PARPBP: variants seen among roughly 807,000 people sequenced by gnomAD.
PARPBP encodes PARP1 binding protein.
In PARPBP, 52 loss-of-function variants were observed where a neutral mutation model predicts 50.0. That is an observed-to-expected ratio of 1.04 (90% CI 0.83 to 1.31). The LOEUF is 1.31. Ranked by LOEUF, PARPBP falls within the 50% of genes most tolerant of loss-of-function variation. The pLI, the probability that PARPBP is intolerant of heterozygous loss-of-function variation, is 0.00. For synonymous variants in PARPBP, 244 were observed against 232.1 expected (o/e 1.05, Z -0.47); for missense variants, 697 against 672.0 (o/e 1.04, Z -0.41).
intron 2 of PARPBP, among the ~76,000 whole-genome samples, chr12:102,133,148 A>G (rs1466050397): frequency 6.6e-6 from 1 of 151,974 alleles, no homozygotes; most frequent in African/African-American, 2.4e-5. Context: ...TCTTTTTCTT[A>G]CCTAACCACT....
At position 102,196,921 on chromosome 12, in the gene PARPBP, T is replaced by C; in HGVS notation, c.*630T>C. On this transcript the variant is annotated 3_prime_UTR_variant, in exon 11 of 11. Transcript: ENST00000327680. ...ATCCAAATTCACTTTAACTCAGAGT[T>C]CTGTTTAATGGTGGTAGGATGTAAG... is the stretch of plus-strand genomic sequence containing the variant. 1 of 1,445,454 alleles carries C rather than the reference T, an allele frequency of 6.9e-7. No individual in the cohort carries two copies. The highest frequency in any genetic ancestry group is 1.2e-5 in the South Asian group (1 of 85,374). 89.5% of individuals were successfully genotyped at this position (1,445,454 alleles called of 1,614,324 possible).
intron 2 of PARPBP, among the ~76,000 whole-genome samples, chr12:102,141,781 A>C (rs1884642212): frequency 6.6e-6 from 1 of 152,138 alleles, no homozygotes; most frequent in African/African-American, 2.4e-5. Flanking sequence ...CTGGGTTGAA[A>C]ATTCTTTTCT....
intron 7 of PARPBP, among the ~76,000 whole-genome samples, 179 bp downstream of exon 7, chr12:102,175,845 T>A (rs1291087447): frequency 1.3e-5 from 2 of 152,206 alleles, no homozygotes; most frequent in Non-Finnish European, 2.9e-5. Context: ...TCAACTTGGG[T>A]AAATTATCAC....
chr12:102,184,992 A>C (rs1263031396), intron 9 of PARPBP, among the ~76,000 whole-genome samples: 7 of 152,210 alleles, frequency 4.6e-5, no homozygotes, highest in Non-Finnish European at 1.0e-4. Flanking sequence ...GAAAATAATT[A>C]GATAACTTAG....
chr12:102,148,283 C>G lies in PARPBP; in HGVS notation c.207C>G (p.Tyr69Ter). 6.2e-7 allele frequency: 1 copy of G among 1,605,316 alleles called. No homozygotes were observed. The highest frequency in any genetic ancestry group is 8.5e-7 in the Non-Finnish European group (1 of 1,174,474). Residue 69 changes from tyrosine to a stop codon, truncating the protein, a stop_gained, in exon 3 of 11, where the codon TAC (tyrosine) becomes TAG (stop). Coordinates refer to ENST00000327680, the MANE Select transcript of PARPBP (RefSeq NM_017915.5). LOFTEE classifies it high-confidence loss of function. The stretch of plus-strand genomic sequence containing the variant: ...GTGATGTTTTATTGACATGGAAATA[C>G]TTGCTCCATGAGAAATTGAACTTAC... ...SLSDVLLTWK[Y>*]LLHEKLNLPV...
chr12:102,165,597 T>A (rs1029570299), intron 5 of PARPBP, 132 bp from the exon 6 acceptor site: 10 of 658,226 alleles, frequency 1.5e-5, no homozygotes, highest in Non-Finnish European at 2.1e-5. Flanking sequence ...ACTCAAAGTG[T>A]GTCATGAGCC....
chr12:102,164,287 C>T (rs1479633302), intron 4 of PARPBP, 151 bp from the exon 5 acceptor site: 4 of 625,464 alleles, frequency 6.4e-6, no homozygotes, highest in African/African-American at 1.8e-5. Context: ...ATTGATTGCC[C>T]AACCTGTTTT....
intron 4 of PARPBP, among the ~76,000 whole-genome samples, chr12:102,162,713 C>T (rs57964769): frequency 0.045 from 6,888 of 151,710 alleles, 421 homozygotes; most frequent in East Asian, 0.29. Flanking sequence ...TCCTAGCTAC[C>T]GGGGAAGCTG....
chr12:102,132,312 A>G (rs573260933), intron 2 of PARPBP, among the ~76,000 whole-genome samples: 1 of 152,216 alleles, frequency 6.6e-6, no homozygotes, highest in Non-Finnish European at 1.5e-5. Context: ...TTCAAAAGAA[A>G]AAAATCCATT....
intron 2 of PARPBP, among the ~76,000 whole-genome samples, chr12:102,140,527 T>G (rs889539980): frequency 1.3e-5 from 2 of 152,220 alleles, no homozygotes; most frequent in African/African-American, 2.4e-5. Context: ...TTCTGCTAGC[T>G]TTTGAATGTG....
intron 7 of PARPBP, among the ~76,000 whole-genome samples, chr12:102,176,554 A>T (rs1256464466): frequency 6.6e-6 from 1 of 152,190 alleles, no homozygotes; most frequent in Non-Finnish European, 1.5e-5. Flanking sequence ...ATAATTAAAT[A>T]GAGTAGATTC....
chr12:102,144,248 T>C (rs1885057605), intron 2 of PARPBP, among the ~76,000 whole-genome samples: 1 of 152,236 alleles, frequency 6.6e-6, no homozygotes, highest in Admixed American at 6.5e-5. Context: ...AAAAATATGA[T>C]ATAATGTACA....
intron 6 of PARPBP, among the ~76,000 whole-genome samples, chr12:102,167,219 T>C (rs1888227926): frequency 6.6e-6 from 1 of 152,172 alleles, no homozygotes; most frequent in Non-Finnish European, 1.5e-5. Context: ...CTTATTTTGC[T>C]CAAGTAGCTT....
Position 102,142,148 on chromosome 12 carries a change from C to T in PARPBP, c.154-6082C>T, listed in dbSNP as rs367645576. Among the ~76,000 whole-genome samples the T allele has an allele frequency of 1.1e-4, 17 of 152,286 alleles. 1 individual carries two copies. The highest frequency in any genetic ancestry group is 2.0e-4 in the Admixed American group (3 of 15,306). On this transcript the variant is annotated intron_variant, in intron 2 of 10. Transcript: ENST00000327680. The stretch of plus-strand genomic sequence containing the variant: ...CAATCAGATGTAAATTTGGTCTTTT[C>T]ATATAGTCCCATATTTCTTGGAGGC...
chr12:102,127,335 T>A (rs1319387006), intron 2 of PARPBP, among the ~76,000 whole-genome samples: 1 of 151,548 alleles, frequency 6.6e-6, no homozygotes, highest in Non-Finnish European at 1.5e-5. Flanking sequence ...TGAGGCTTGC[T>A]GTGAGCCAAG....
chr12:102,184,861 T>G (rs1453922426), intron 9 of PARPBP, among the ~76,000 whole-genome samples: 2 of 152,174 alleles, frequency 1.3e-5, no homozygotes, highest in Non-Finnish European at 2.9e-5. Context: ...GAAAAGTAGT[T>G]TAGCAGCTGA....
At chr12:102,124,938 A>G (rs1414465444) in intron 2 of PARPBP, among the ~76,000 whole-genome samples, 1 of 152,248 alleles carries the variant, frequency 6.6e-6, no homozygotes, top group Non-Finnish European at 1.5e-5. Flanking sequence ...TAGTTACTAT[A>G]TACTATGATC....
At chr12:102,166,561 T>C (rs1040593729) in intron 6 of PARPBP, among the ~76,000 whole-genome samples, 3 of 152,162 alleles carry the variant, frequency 2.0e-5, no homozygotes, top group Non-Finnish European at 4.4e-5. Flanking sequence ...AGTTCTTTAC[T>C]CAGATTATCA....
chr12:102,147,494 A>G (rs1314376166), intron 2 of PARPBP, among the ~76,000 whole-genome samples: 1 of 148,204 alleles, frequency 6.7e-6, no homozygotes, highest in Middle Eastern at 3.5e-3. Flanking sequence ...CATGTTCTCA[A>G]TCATAGATGG....
Sources: gnomAD v4.1 joint callset for allele counts (sites outside exome capture counted in the v4.1 genomes callset) on GRCh38, gnomAD v4.1.1 for gene constraint, MANE v1.5 for transcripts, NCBI Gene and HGNC (gene_info 2026-07-23, HGNC 2026-07-21) for gene names.